TMEM200A: variants seen among roughly 807,000 people sequenced by gnomAD.
TMEM200A encodes transmembrane protein 200A, also known as two transmembrane C.
In TMEM200A, 12 loss-of-function variants were observed where a neutral mutation model predicts 24.3. The ratio of observed to expected loss-of-function variants is 0.49; its 90% confidence interval spans 0.32 to 0.80. The LOEUF (loss-of-function observed/expected upper bound fraction) is 0.80, where lower values mean the gene tolerates loss of function less well. TMEM200A is among the 30% of genes least tolerant of loss of function. TMEM200A has a pLI of 0.04. For missense variants in TMEM200A, 545 were observed against 614.4 expected (o/e 0.89, Z 1.19); for synonymous variants, 224 against 224.4 (o/e 1.00, Z 0.02).
rs1778965536 is a variant in TMEM200A, at chr6:130,396,801, AT to A, written c.-17+11567del. On this transcript the variant is annotated intron_variant, in intron 2 of 2. Coordinates refer to ENST00000296978, the MANE Select transcript of TMEM200A (RefSeq NM_001258277.2). Reference sequence around the variant, plus strand: ...TCCAGGTGAAATTTAACATTTTGTCATTAGAAAATACTGTAAAAATACTTTT... The same window carrying A: ...TCCAGGTGAAATTTAACATTTTGTCATAGAAAATACTGTAAAAATACTTTT... Among the ~76,000 whole-genome samples the A allele has an allele frequency of 4.6e-5, 7 of 152,296 alleles. No individual in the cohort carries two copies. In the South Asian group the frequency reaches 1.5e-3, roughly 32 times the overall value.
chr6:130,404,100 G>A (rs1228090732), intron 2 of TMEM200A, among the ~76,000 whole-genome samples: 3 of 152,092 alleles, frequency 2.0e-5, no homozygotes, highest in Non-Finnish European at 4.4e-5. Flanking sequence ...TTGATTCTAT[G>A]TCTCTGCTAT....
At chr6:130,378,566 T>C (rs2115082707) in intron 1 of TMEM200A, among the ~76,000 whole-genome samples, 1 of 150,902 alleles carries the variant, frequency 6.6e-6, no homozygotes, top group African/African-American at 2.4e-5. Context: ...TGCTAAAAAA[T>C]ACAAAAAATT....
At position 130,409,068 on chromosome 6, in the gene TMEM200A, A is replaced by G. The variant is rs138872047; in HGVS notation, c.-17+23832A>G. 8.3e-3 allele frequency among the ~76,000 whole-genome samples: 1,259 copies of G among 152,202 alleles called. 12 individuals are homozygous for G. Among genetic ancestry groups the G allele is most frequent in the Admixed American group, 0.022 (341 of 15,278 alleles). On this transcript the variant is annotated intron_variant, in intron 2 of 2. Transcript: ENST00000296978. ...TTGTTTGATACTTTCTCAGAGCCAC[A>G]TGCATCTGAATCTCCTCCTACTCAT... is the stretch of plus-strand genomic sequence containing the variant.
At chr6:130,370,435 G>A (rs1031350539) in intron 1 of TMEM200A, among the ~76,000 whole-genome samples, 5 of 152,142 alleles carry the variant, frequency 3.3e-5, no homozygotes, top group Non-Finnish European at 7.3e-5. Flanking sequence ...AGGGCACTAT[G>A]ATAGGCAGTT....
chr6:130,392,577 A>C (rs2115112507), intron 2 of TMEM200A, among the ~76,000 whole-genome samples: 1 of 152,200 alleles, frequency 6.6e-6, no homozygotes, highest in East Asian at 1.9e-4. Flanking sequence ...GCCTGTACAG[A>C]GATATATTTT....
At chr6:130,422,304 T>G (rs1390217779) in intron 2 of TMEM200A, among the ~76,000 whole-genome samples, 1 of 152,166 alleles carries the variant, frequency 6.6e-6, no homozygotes. Context: ...AGTGTCACTC[T>G]GTTGCCCAAG....
At chr6:130,429,225 A>G (rs1779817917) in intron 2 of TMEM200A, among the ~76,000 whole-genome samples, 1 of 152,180 alleles carries the variant, frequency 6.6e-6, no homozygotes, top group South Asian at 2.1e-4. Flanking sequence ...AACTTTTGAC[A>G]AAGAAAAATA....
intron 2 of TMEM200A, among the ~76,000 whole-genome samples, chr6:130,431,576 A>T (rs1314627534): frequency 3.3e-5 from 5 of 152,152 alleles, no homozygotes; most frequent in Non-Finnish European, 2.9e-5. Flanking sequence ...ACTTTGAGGG[A>T]AATGGCCTTC....
intron 2 of TMEM200A, among the ~76,000 whole-genome samples, chr6:130,392,266 T>C (rs1189144368): frequency 2.6e-5 from 4 of 152,230 alleles, no homozygotes; most frequent in Admixed American, 6.5e-5. Flanking sequence ...AAACAATGCA[T>C]AGCCTGTTGA....
intron 2 of TMEM200A, among the ~76,000 whole-genome samples, chr6:130,423,934 G>A (rs1407736882): frequency 6.6e-6 from 1 of 152,078 alleles, no homozygotes; most frequent in Non-Finnish European, 1.5e-5. Context: ...TTCCTATAAA[G>A]GTTATAAGTT....
At chr6:130,419,169 T>C (rs982314709) in intron 2 of TMEM200A, among the ~76,000 whole-genome samples, 1 of 152,160 alleles carries the variant, frequency 6.6e-6, no homozygotes, top group African/African-American at 2.4e-5. Context: ...TAGCATGCAA[T>C]ATTTGTCTTT....
At chr6:130,397,560 T>G (rs1300696181) in intron 2 of TMEM200A, among the ~76,000 whole-genome samples, 2 of 152,084 alleles carry the variant, frequency 1.3e-5, no homozygotes, top group African/African-American at 4.8e-5. Flanking sequence ...AAGCTTTCTT[T>G]TGGCTAGTAT....
intron 2 of TMEM200A, among the ~76,000 whole-genome samples, chr6:130,391,498 TTC>T (rs141365721): frequency 0.039 from 5,895 of 151,932 alleles, 375 homozygotes; most frequent in African/African-American, 0.13. Flanking sequence ...AAAGGCATCT[TTC>T]TCTCTCTCTC....
intron 2 of TMEM200A, among the ~76,000 whole-genome samples, chr6:130,432,488 A>G (rs976720996): frequency 6.6e-6 from 1 of 152,216 alleles, no homozygotes; most frequent in Admixed American, 6.5e-5. Context: ...TGCCACTAAA[A>G]TATACAGATT....
chr6:130,393,974 T>A (rs1778893903), intron 2 of TMEM200A, among the ~76,000 whole-genome samples: 1 of 152,204 alleles, frequency 6.6e-6, no homozygotes, highest in African/African-American at 2.4e-5. Flanking sequence ...GAATATCACA[T>A]ATGCCTCTTT....
chr6:130,370,833 A>G (rs1424115708), intron 1 of TMEM200A, among the ~76,000 whole-genome samples: 2 of 152,046 alleles, frequency 1.3e-5, no homozygotes, highest in Non-Finnish European at 2.9e-5. Flanking sequence ...CTGCCCATCT[A>G]GTGATGATGA....
chr6:130,430,318 G>A (rs918997549), intron 2 of TMEM200A, among the ~76,000 whole-genome samples: 6 of 152,076 alleles, frequency 3.9e-5, no homozygotes, highest in South Asian at 2.1e-4. Flanking sequence ...CAAAGGCTCC[G>A]TCTCCTAATA....
chr6:130,441,372 G>A lies in TMEM200A; in HGVS notation c.950G>A (p.Ser317Asn). The stretch of plus-strand genomic sequence containing the variant: ...ACTGAAGATGCTGACAACCTCAAAA[G>A]TAGGTCAAGGAATTTGTCAATGGAT... ...NITEDADNLKSRSRNLSMDSL... is the reference protein window; with the variant it reads ...NITEDADNLKNRSRNLSMDSL... Residue 317 changes from serine (S) to asparagine (N), a missense_variant, in exon 3 of 3, where the codon AGT becomes AAT. By Grantham distance (46) the Ser-to-Asn change is conservative (BLOSUM62 1). Coordinates refer to ENST00000296978, the MANE Select transcript of TMEM200A (RefSeq NM_001258277.2). 1 of 1,614,130 alleles carries A rather than the reference G, an allele frequency of 6.2e-7. No individual in the cohort carries two copies. The highest frequency in any genetic ancestry group is 1.1e-5 in the South Asian group (1 of 91,078).
intron 2 of TMEM200A, among the ~76,000 whole-genome samples, chr6:130,400,881 C>T (rs1232845898): frequency 6.6e-6 from 1 of 152,050 alleles, no homozygotes; most frequent in African/African-American, 2.4e-5. Context: ...CTTTTCATCA[C>T]ACCACCTGAA....
Sources: gnomAD v4.1 joint callset for allele counts (sites outside exome capture counted in the v4.1 genomes callset) on GRCh38, gnomAD v4.1.1 for gene constraint, MANE v1.5 for transcripts, NCBI Gene and HGNC (gene_info 2026-07-23, HGNC 2026-07-21) for gene names.